Variants in VGLL4 observed in about 807,000 individuals in gnomAD.
VGLL4 encodes the protein vestigial like family member 4.
Under a neutral mutation model 21.0 loss-of-function variants are expected in VGLL4, and 7 were observed. That is an observed-to-expected ratio of 0.33 (90% CI 0.19 to 0.63). The LOEUF is 0.63. Ranked by LOEUF, VGLL4 falls within the 20% of genes least tolerant of loss-of-function variation. VGLL4 has a pLI of 0.78. For missense variants in VGLL4, 394 were observed against 425.7 expected, an observed-to-expected ratio of 0.93 and a Z score of 0.66; for synonymous variants, 222 against 173.2, an observed-to-expected ratio of 1.28 and a Z score of -2.21.
At chr3:11,579,217 T>TAAAA (rs34908529) in intron 2 of VGLL4, among the ~76,000 whole-genome samples, 1 of 134,630 alleles carries the variant, frequency 7.4e-6, no homozygotes, top group Non-Finnish European at 1.6e-5. Context: ...GCTAACTTTC[T>TAAAA]AAAAAAAAAA....
intron 1 of VGLL4, among the ~76,000 whole-genome samples, chr3:11,632,045 G>A (rs1040638566): frequency 3.3e-4 from 50 of 152,142 alleles, no homozygotes; most frequent in African/African-American, 1.2e-3. Context: ...GAACTTGGCC[G>A]TGCGCAGTGG....
intron 2 of VGLL4, among the ~76,000 whole-genome samples, chr3:11,648,950 G>A (rs2075831873): frequency 6.6e-6 from 1 of 152,210 alleles, no homozygotes; most frequent in South Asian, 2.1e-4. Flanking sequence ...TGTGTATAAA[G>A]CAGGTTGGCA....
In VGLL4 at chr3:11,558,666, C is replaced by G; in HGVS notation, c.781G>C (p.Ala261Pro). ...LGDTWLQIKA[A>P]KDGASSSPES... ...GGGCTGCTGGATGCTCCGTCCTTGG[C>G]CGCTTTGATCTGGAGCCACGTGTCA... Residue 261 changes from alanine to proline, a missense_variant, in exon 5 of 5, where the codon GCC becomes CCC. Physicochemically the swap from Ala to Pro is conservative, Grantham distance 27. Transcript: ENST00000430365. 1 of 1,613,264 alleles carries G rather than the reference C, an allele frequency of 6.2e-7. No individual in the cohort carries two copies. Among genetic ancestry groups the G allele is most frequent in the Non-Finnish European group, 8.5e-7 (1 of 1,180,036 alleles).
chr3:11,646,371 C>T (rs1308034005), upstream of VGLL4, among the ~76,000 whole-genome samples: 3 of 152,092 alleles, frequency 2.0e-5, no homozygotes, highest in African/African-American at 4.8e-5. Context: ...AAACTTTATC[C>T]ATCATTGTCC....
intron 2 of VGLL4, chr3:11,582,198 A>G (rs546346840): frequency 2.0e-6 from 3 of 1,475,084 alleles, no homozygotes; most frequent in East Asian, 2.4e-5. Flanking sequence ...TCGCAGTTTA[A>G]ATTAATTACA....
At chr3:11,675,438 G>A (rs1290758812) in intron 2 of VGLL4, among the ~76,000 whole-genome samples, 3 of 152,164 alleles carry the variant, frequency 2.0e-5, no homozygotes. Flanking sequence ...AGGGGTTCTA[G>A]GGCAGTATGG....
intron 2 of VGLL4, among the ~76,000 whole-genome samples, chr3:11,683,839 T>C (rs1026791028): frequency 6.6e-6 from 1 of 152,072 alleles, no homozygotes; most frequent in Non-Finnish European, 1.5e-5. Flanking sequence ...CCTTTGATTA[T>C]GGCATCCTGT....
At chr3:11,655,323 C>T (rs1255680392) in intron 2 of VGLL4, among the ~76,000 whole-genome samples, 1 of 152,182 alleles carries the variant, frequency 6.6e-6, no homozygotes, top group African/African-American at 2.4e-5. Flanking sequence ...GAGGAGGGCA[C>T]CTGGCTGCTT....
At chr3:11,664,743 A>G (rs1475261949) in intron 2 of VGLL4, among the ~76,000 whole-genome samples, 1 of 152,190 alleles carries the variant, frequency 6.6e-6, no homozygotes, top group African/African-American at 2.4e-5. Context: ...CAAATTCCCT[A>G]TTTGCCCTGA....
chr3:11,644,186 A>C (rs1239098017), upstream of VGLL4, among the ~76,000 whole-genome samples: 1 of 152,234 alleles, frequency 6.6e-6, no homozygotes, highest in Non-Finnish European at 1.5e-5. Context: ...CTAAGTACAA[A>C]GTAAAAAATC....
intron 2 of VGLL4, among the ~76,000 whole-genome samples, chr3:11,698,064 T>C (rs2076628991): frequency 6.6e-6 from 1 of 152,212 alleles, no homozygotes; most frequent in Non-Finnish European, 1.5e-5. Context: ...ATCTTAAAAT[T>C]AGAAGATATG....
intron 2 of VGLL4, among the ~76,000 whole-genome samples, chr3:11,660,780 G>A (rs2076026348): frequency 6.6e-6 from 1 of 152,026 alleles, no homozygotes; most frequent in South Asian, 2.1e-4. Flanking sequence ...ATGCTTCCAA[G>A]TACTGGAAGC....
chr3:11,630,530 C>CA (rs2075452745), intron 1 of VGLL4, among the ~76,000 whole-genome samples: 1 of 152,080 alleles, frequency 6.6e-6, no homozygotes, highest in African/African-American at 2.4e-5. Flanking sequence ...CCTGTAATCC[C>CA]AGCTACTGGG....
chr3:11,668,389 T>C (rs1002856202), intron 2 of VGLL4, among the ~76,000 whole-genome samples: 10 of 152,172 alleles, frequency 6.6e-5, no homozygotes, highest in Admixed American at 2.6e-4. Context: ...ATCCAATCCC[T>C]TCTCCTTGCT....
chr3:11,642,471 T>C (rs1379807161), intron 1 of VGLL4, among the ~76,000 whole-genome samples: 2 of 152,178 alleles, frequency 1.3e-5, no homozygotes, highest in Non-Finnish European at 2.9e-5. Context: ...CCGTGTATTA[T>C]TGGAGAAAAA....
At chr3:11,563,188 G>A (rs2073182567) in intron 3 of VGLL4, among the ~76,000 whole-genome samples, 3 of 152,182 alleles carry the variant, frequency 2.0e-5, no homozygotes, top group South Asian at 4.1e-4. Context: ...TGTCCCCCAG[G>A]TCATCAAGGG....
At chr3:11,563,606 A>G (rs1228380338) in intron 3 of VGLL4, among the ~76,000 whole-genome samples, 1 of 152,188 alleles carries the variant, frequency 6.6e-6, no homozygotes, top group Non-Finnish European at 1.5e-5. Flanking sequence ...CGCTCGTAAA[A>G]CGTTGAAATG....
chr3:11,605,361 G>A (rs1329107685), intron 1 of VGLL4, among the ~76,000 whole-genome samples: 1 of 144,346 alleles, frequency 6.9e-6, no homozygotes, highest in Non-Finnish European at 1.5e-5. Context: ...CAGCATGTTG[G>A]CCCATCCTCA....
chr3:11,671,356 G>GACT, intron 2 of VGLL4: 1 of 1,188,644 alleles, frequency 8.4e-7, no homozygotes, highest in Non-Finnish European at 1.2e-6. Context: ...CCGCAGCGAG[G>GACT]ACTACGATTC....
Sources: allele counts gnomAD v4.1 joint callset (sites outside exome capture counted in the v4.1 genomes callset), GRCh38; gene constraint gnomAD v4.1.1; transcripts MANE v1.5; gene names NCBI Gene and HGNC (gene_info 2026-07-23, HGNC 2026-07-21).